The following AGBL4 variants were observed in gnomAD, a reference collection of about 807,000 sequenced individuals.
AGBL4 encodes cytosolic carboxypeptidase 6.
Under a neutral mutation model 66.4 loss-of-function variants are expected in AGBL4, and 58 were observed. The observed-to-expected ratio is 0.87, with a 90% CI of 0.71 to 1.09. The LOEUF is 1.09. Ranked by LOEUF, AGBL4 falls within the 50% of genes least tolerant of loss-of-function variation. The pLI is 0.00. For missense variants in AGBL4, 579 were observed against 631.0 expected, an observed-to-expected ratio of 0.92 and a Z score of 0.88; for synonymous variants, 234 against 222.9, an observed-to-expected ratio of 1.05 and a Z score of -0.44.
chr1:49,227,288 C>G (rs1184041651), intron 4 of AGBL4, among the ~76,000 whole-genome samples: 2 of 152,136 alleles, frequency 1.3e-5, no homozygotes, highest in Non-Finnish European at 2.9e-5. Flanking sequence ...GGTGTTGATA[C>G]ACAATAGGCA....
chr1:49,441,806 T>C (rs942098656), intron 3 of AGBL4, among the ~76,000 whole-genome samples: 1 of 152,184 alleles, frequency 6.6e-6, no homozygotes, highest in African/African-American at 2.4e-5. Flanking sequence ...GTGGATAGGA[T>C]GACCTGTTCT....
intron 1 of AGBL4, among the ~76,000 whole-genome samples, chr1:49,911,098 T>C (rs1246383216): frequency 2.0e-5 from 3 of 152,156 alleles, no homozygotes; most frequent in African/African-American, 7.2e-5. Context: ...ATTATAGATT[T>C]TGCTGATGAT....
At chr1:50,019,140 A>T (rs1471528582) in intron 1 of AGBL4, among the ~76,000 whole-genome samples, 1 of 152,056 alleles carries the variant, frequency 6.6e-6, no homozygotes, top group Admixed American at 6.6e-5. Flanking sequence ...GCCTTTCCAT[A>T]ATAAAAAGAA....
At chr1:49,204,957 C>G (rs1648015661) in intron 4 of AGBL4, among the ~76,000 whole-genome samples, 1 of 152,068 alleles carries the variant, frequency 6.6e-6, no homozygotes, top group African/African-American at 2.4e-5. Flanking sequence ...TAGTGATTGG[C>G]AGTTGTTGTC....
At chr1:49,479,703 C>CTTTT (rs1351125149) in intron 3 of AGBL4, among the ~76,000 whole-genome samples, 2 of 136,890 alleles carry the variant, frequency 1.5e-5, no homozygotes, top group African/African-American at 2.7e-5. Flanking sequence ...TTCTTTTTTT[C>CTTTT]TTTTTTTTTT....
intron 2 of AGBL4, among the ~76,000 whole-genome samples, chr1:49,751,745 C>A (rs986024716): frequency 2.0e-5 from 3 of 152,128 alleles, no homozygotes; most frequent in Non-Finnish European, 4.4e-5. Context: ...TTAATTACTG[C>A]CTCAATTTCA....
chr1:48,586,698 C>A, intron 11 of AGBL4: 1 of 336,928 alleles, frequency 3.0e-6, no homozygotes, highest in South Asian at 3.5e-5. Context: ...GCTTAGATGG[C>A]AGGAGACTCA....
At chr1:48,867,301 C>A in intron 5 of AGBL4, 71 bp from the exon 6 acceptor site, 2 of 1,476,858 alleles carry the variant, frequency 1.4e-6, no homozygotes, top group Middle Eastern at 1.7e-4. Context: ...CAGGTCAGGG[C>A]GGACAAGCAA....
intron 3 of AGBL4, among the ~76,000 whole-genome samples, chr1:49,479,954 G>A (rs1321305498): frequency 3.3e-5 from 5 of 151,710 alleles, no homozygotes; most frequent in Non-Finnish European, 5.9e-5. Flanking sequence ...TGATCCACCC[G>A]CCTCGACCTC....
rs150283610 is a variant in AGBL4, at chr1:49,589,451, T to A, written c.282+107862A>T. Among the ~76,000 whole-genome samples, 453 of 152,204 alleles carry A rather than the reference T, an allele frequency of 3.0e-3. 2 individuals carry two copies. Among genetic ancestry groups the A allele is most frequent in the Admixed American group, 9.3e-3 (142 of 15,286 alleles). On this transcript the variant is annotated intron_variant, in intron 3 of 13. Coordinates refer to ENST00000371839, the MANE Select transcript of AGBL4 (RefSeq NM_032785.4). ...GACTTACCTATGGTCAAAAACTGCATAATTGATAAAACCCTAAATCCACAG... is the reference window on the plus strand; with the variant it reads ...GACTTACCTATGGTCAAAAACTGCAAAATTGATAAAACCCTAAATCCACAG...
At chr1:49,800,765 T>C (rs1644843419) in intron 2 of AGBL4, among the ~76,000 whole-genome samples, 1 of 103,952 alleles carries the variant, frequency 9.6e-6, no homozygotes, top group African/African-American at 3.7e-5. Flanking sequence ...CAGTCTATCA[T>C]TGTTGGACAT....
chr1:48,752,445 C>T (rs575687805), intron 6 of AGBL4, among the ~76,000 whole-genome samples: 86 of 152,278 alleles, frequency 5.6e-4, no homozygotes, highest in African/African-American at 1.7e-3. Flanking sequence ...CTATAAGCTA[C>T]AGACCAGTGA....
intron 2 of AGBL4, among the ~76,000 whole-genome samples, chr1:49,822,390 G>A (rs372556133): frequency 7.2e-5 from 11 of 151,766 alleles, no homozygotes; most frequent in East Asian, 1.9e-4. Context: ...ATGTAGTGGC[G>A]TGATCTAGGC....
At chr1:49,887,240 T>A (rs1648162642) in intron 1 of AGBL4, among the ~76,000 whole-genome samples, 1 of 150,768 alleles carries the variant, frequency 6.6e-6, no homozygotes, top group South Asian at 2.1e-4. Context: ...ATTGTATATA[T>A]ATGTGTGTGT....
chr1:49,830,367 G>A (rs1645634364), intron 2 of AGBL4, among the ~76,000 whole-genome samples: 1 of 152,158 alleles, frequency 6.6e-6, no homozygotes, highest in African/African-American at 2.4e-5. Flanking sequence ...AATGACCAGT[G>A]ACGATGAGCT....
At chr1:49,948,237 TATAAATAAATAC>T (rs1470729853) in intron 1 of AGBL4, among the ~76,000 whole-genome samples, 3 of 98,772 alleles carry the variant, frequency 3.0e-5, no homozygotes, top group African/African-American at 1.5e-4. Flanking sequence ...TATATAAATA[TATAAATAAATAC>T]ATATAAATAT....
intron 1 of AGBL4, among the ~76,000 whole-genome samples, chr1:49,872,565 A>G (rs1646863718): frequency 6.6e-6 from 1 of 152,126 alleles, no homozygotes; most frequent in Admixed American, 6.6e-5. Context: ...ACCTCAAAAG[A>G]AATGCACCCA....
intron 1 of AGBL4, among the ~76,000 whole-genome samples, chr1:49,875,651 T>C (rs1260917642): frequency 1.3e-5 from 2 of 148,588 alleles, no homozygotes; most frequent in Non-Finnish European, 3.0e-5. Flanking sequence ...GCATGATTTA[T>C]AGTCATTTGG....
At chr1:49,977,813 G>T (rs1337057647) in intron 1 of AGBL4, among the ~76,000 whole-genome samples, 2 of 152,088 alleles carry the variant, frequency 1.3e-5, no homozygotes, top group African/African-American at 4.8e-5. Flanking sequence ...TTCTTCAAAG[G>T]TATTCTTCCA....
Sources: gnomAD v4.1 joint callset for allele counts (sites outside exome capture counted in the v4.1 genomes callset) on GRCh38, gnomAD v4.1.1 for gene constraint, MANE v1.5 for transcripts, NCBI Gene and HGNC (gene_info 2026-07-23, HGNC 2026-07-21) for gene names.